MYBPC3: variants seen among roughly 807,000 people sequenced by gnomAD.
MYBPC3 encodes myosin binding protein C3, also known as myosin-binding protein C, cardiac-type.
MYBPC3 carries 108 observed loss-of-function variants against 159.3 expected under a neutral mutation model. That is an observed-to-expected ratio of 0.68 (90% confidence interval 0.58 to 0.80). The LOEUF (loss-of-function observed/expected upper bound fraction) is 0.80, where lower values mean the gene tolerates loss of function less well. MYBPC3 is among the 30% of genes least tolerant of loss of function. MYBPC3 has a pLI of 0.00. For missense variants in MYBPC3, 1,631 were observed against 1,762.1 expected (o/e 0.93, Z 1.33); for synonymous variants, 730 against 702.0 (o/e 1.04, Z -0.63).
chr11:47,347,703 C>T lies in MYBPC3; in HGVS notation c.822-23G>A, dbSNP rs757541520. On this transcript the variant is annotated intron_variant, in intron 7 of 34. Coordinates refer to ENST00000545968, the MANE Select transcript of MYBPC3 (RefSeq NM_000256.3). ...CTCCTGTGGGGGTTAGACTCAGTATCCTCACCTGCCTGGGAAGCTTGCTCT... is the reference window on the plus strand; with the variant it reads ...CTCCTGTGGGGGTTAGACTCAGTATTCTCACCTGCCTGGGAAGCTTGCTCT... The T allele has an allele frequency of 2.8e-5, 44 of 1,563,144 alleles. No individual in the cohort carries two copies. In the South Asian group the frequency reaches 5.2e-4, roughly 18 times the overall value.
At chr11:47,335,361 CTT>C (rs1477430469) in intron 26 of MYBPC3, among the ~76,000 whole-genome samples, 152 bp from the exon 27 acceptor site, 3 of 152,206 alleles carry the variant, frequency 2.0e-5, no homozygotes, top group Non-Finnish European at 4.4e-5. Flanking sequence ...GAGTTTCGCT[CTT>C]GTCTCCCAGG....
At chr11:47,350,764 G>A (rs569805236) in intron 2 of MYBPC3, 149 bp from the exon 3 acceptor site, 1 of 1,275,272 alleles carries the variant, frequency 7.8e-7, no homozygotes, top group Admixed American at 3.7e-5. Context: ...CTCAGAGGCA[G>A]CTCATGCTGA....
chr11:47,346,069 T>G lies in MYBPC3; in HGVS notation c.1090+138A>C. The G allele has an allele frequency of 1.7e-6, 2 of 1,202,650 alleles. No homozygotes were observed. The highest frequency in any genetic ancestry group is 2.3e-6 in the Non-Finnish European group (2 of 875,550). The allele number at this position is 1,202,650 out of a possible 1,614,324, so 74.5% of individuals were successfully genotyped here. ...GCTAAGCCGGACTCCGCTCTTTCCA[T>G]GTATGTGGACGAGGTGGGGGGCTAA... On this transcript the variant is annotated intron_variant, in intron 12 of 34. Coordinates refer to ENST00000545968, the MANE Select transcript of MYBPC3 (RefSeq NM_000256.3). The surrounding 1 kb of genome is among the most constrained non-coding windows in gnomAD (Gnocchi z 5.3).
In MYBPC3 at chr11:47,338,384, G is replaced by A; in HGVS notation, c.2308+136C>T. ...CCCAGAGCGGGGCTCCTTTTGGGCAGAAAAACCTGTCCTGTTGCCGCTCGG... is the reference window on the plus strand; with the variant it reads ...CCCAGAGCGGGGCTCCTTTTGGGCAAAAAAACCTGTCCTGTTGCCGCTCGG... On this transcript the variant is annotated intron_variant, in intron 23 of 34. Coordinates refer to ENST00000545968, the MANE Select transcript of MYBPC3 (RefSeq NM_000256.3). The surrounding 1 kb of genome is among the most constrained non-coding windows in gnomAD (Gnocchi z 4.7). The A allele has an allele frequency of 4.6e-6, 6 of 1,314,706 alleles. No individual in the cohort carries two copies. The highest frequency in any genetic ancestry group is 6.2e-6 in the Non-Finnish European group (6 of 967,870). 81.4% of individuals were successfully genotyped at this position (1,314,706 alleles called of 1,614,324 possible).
In MYBPC3 at chr11:47,346,337, GTCC is replaced by G; in HGVS notation, c.957_959del (p.Glu319del). The G allele has an allele frequency of 6.2e-7, 1 of 1,607,312 alleles. No individual in the cohort carries two copies. The highest frequency in any genetic ancestry group is 8.5e-7 in the Non-Finnish European group (1 of 1,176,470). ...GTGCCTGCCGTAGGATCTCCCACAC[GTCC>G]TCCTCTGCTGGTGCCTCCAGCTTCG... On this transcript the variant is annotated inframe_deletion, in exon 12 of 35. Transcript: ENST00000545968. The surrounding 1 kb of genome is among the most constrained non-coding windows in gnomAD (Gnocchi z 5.3).
At chr11:47,334,868 C>T (rs1024233773) in intron 27 of MYBPC3, among the ~76,000 whole-genome samples, 174 bp downstream of exon 27, 17 of 152,102 alleles carry the variant, frequency 1.1e-4, no homozygotes, top group Non-Finnish European at 1.9e-4. Context: ...TGGCCACCCT[C>T]TCTGCACTTT....
At chr11:47,350,193 G>C in intron 3 of MYBPC3, 81 bp from the exon 4 acceptor site, 2 of 1,425,014 alleles carry the variant, frequency 1.4e-6, no homozygotes, top group East Asian at 2.5e-5. Context: ...GCACAATCTC[G>C]GCTCACTGCA....
At chr11:47,333,374 C>T in intron 29 of MYBPC3, 41 bp from the exon 30 acceptor site, 2 of 1,523,990 alleles carry the variant, frequency 1.3e-6, no homozygotes, top group Non-Finnish European at 1.8e-6. Flanking sequence ...CGCCTCCTGA[C>T]AGTGAGCAGG....
chr11:47,348,661 T>A (rs1203167547), intron 5 of MYBPC3, 120 bp from the exon 6 acceptor site: 1 of 683,652 alleles, frequency 1.5e-6, no homozygotes, highest in Middle Eastern at 4.0e-4. Context: ...ATCCCCACTT[T>A]GGGAGGCTGA....
chr11:47,334,028 G>C lies in MYBPC3; in HGVS notation c.2906-18C>G. On this transcript the variant is annotated intron_variant, in intron 27 of 34. Coordinates refer to ENST00000545968, the MANE Select transcript of MYBPC3 (RefSeq NM_000256.3). ...TGGCCGTTCTGTGGGTATAGAGTGG[G>C]TAGCTAAGTGAGGGCCCGCCACAGC... 4 of 1,560,930 alleles carry C rather than the reference G, an allele frequency of 2.6e-6. No individual in the cohort carries two copies. Among genetic ancestry groups the C allele is most frequent in the Non-Finnish European group, 3.5e-6 (4 of 1,152,156 alleles).
rs886048372 is a variant in MYBPC3 at position 47,335,055 on chromosome 11, C to T, written c.2892G>A (p.Val964=). ...APVTTTEPVT[V]QEILQRPRLQ... ...AGGGGCACTCACGCAGGATCTCCTG[C>T]ACTGTCACCGGCTCCGTGGTGGTAA... The change falls in exon 27 of 35, where the codon GTG becomes GTA. Residue 964 remains valine, a synonymous_variant. Transcript: ENST00000545968. 2 of 1,566,670 alleles carry T rather than the reference C, an allele frequency of 1.3e-6. No homozygotes were observed.
chr11:47,340,835 C>T (rs1401085819), intron 20 of MYBPC3, among the ~76,000 whole-genome samples, 168 bp downstream of exon 20: 1 of 152,204 alleles, frequency 6.6e-6, no homozygotes, highest in Non-Finnish European at 1.5e-5. Flanking sequence ...GAAACTGAGG[C>T]TCACAGAGAT....
At position 47,351,500 on chromosome 11, in the gene MYBPC3, C is replaced by A; in HGVS notation, c.31G>T (p.Ala11Ser). The part of the protein sequence containing the change: MPEPGKKPVS[A>S]FSKKPRSVEV... The stretch of plus-strand genomic sequence containing the variant: ...ACTGACCGTGGCTTCTTGCTAAAAG[C>A]TGAGACTGAAGGGCCAGGTGGAGGC... The change falls in exon 2 of 35, where the codon GCT (alanine) becomes TCT (serine). Residue 11 changes from alanine (A) to serine (S), a missense_variant. Transcript: ENST00000545968. This position sits in a 1 kb window ranked among gnomAD's most constrained non-coding sequence, Gnocchi z 4.2. 1 of 1,585,440 alleles carries A rather than the reference C, an allele frequency of 6.3e-7. No individual in the cohort carries two copies. The highest frequency in any genetic ancestry group is 8.6e-7 in the Non-Finnish European group (1 of 1,160,688).
At chr11:47,347,527 G>C (rs11570063) in intron 8 of MYBPC3, 48 bp from the exon 9 acceptor site, 68 of 1,576,802 alleles carry the variant, frequency 4.3e-5, no homozygotes, top group Non-Finnish European at 5.2e-5. Context: ...ACTGGAAAGG[G>C]ATTAGGAGCA....
rs1345363242 is a variant in MYBPC3 at position 47,352,592 on chromosome 11, C to T, written c.25+31G>A. ...AATTGTAGACACCCCCCTGCTCCCA[C>T]ACTTAGACCCAACCCCAGTCCTAAA... is the stretch of plus-strand genomic sequence containing the variant. On this transcript the variant is annotated intron_variant, in intron 1 of 34. Coordinates refer to ENST00000545968, the MANE Select transcript of MYBPC3 (RefSeq NM_000256.3). The T allele has an allele frequency of 1.9e-6, 3 of 1,603,226 alleles. No individual in the cohort carries two copies. The African/African-American group carries it at 4.0e-5, about 22-fold the overall frequency.
intron 14 of MYBPC3, 31 bp downstream of exon 14, chr11:47,343,229 C>A (rs1565628316): frequency 6.3e-7 from 1 of 1,575,518 alleles, no homozygotes. Context: ...CCCTGTGCCC[C>A]CCACCCCAAG....
chr11:47,347,120 T>A, intron 9 of MYBPC3, 91 bp from the exon 10 acceptor site: 1 of 1,273,858 alleles, frequency 7.9e-7, no homozygotes, highest in South Asian at 1.3e-5. Context: ...GCCGACCTGG[T>A]AGACCCTGCA....
At chr11:47,352,580 C>A in intron 1 of MYBPC3, 43 bp downstream of exon 1, 3 of 1,600,580 alleles carry the variant, frequency 1.9e-6, no homozygotes, top group Non-Finnish European at 2.6e-6. Flanking sequence ...TGTAGACACC[C>A]CCCTGCTCCC....
rs1445498933 is a variant in MYBPC3, at chr11:47,347,694, A to G, written c.822-14T>C. On this transcript the variant is annotated splice_polypyrimidine_tract_variant and intron_variant, in intron 7 of 34. Coordinates refer to ENST00000545968, the MANE Select transcript of MYBPC3 (RefSeq NM_000256.3). ...CCAGCCAGGCTCCTGTGGGGGTTAG[A>G]CTCAGTATCCTCACCTGCCTGGGAA... 3.2e-6 allele frequency: 5 copies of G among 1,567,720 alleles called. No individual in the cohort carries two copies. In the South Asian group the frequency reaches 4.7e-5, roughly 15 times the overall value.
Sources: gnomAD v4.1 joint callset for allele counts (sites outside exome capture counted in the v4.1 genomes callset) on GRCh38, gnomAD v4.1.1 for gene constraint, Gnocchi (gnomAD v3.1) non-coding constraint, MANE v1.5 for transcripts, NCBI Gene and HGNC (gene_info 2026-07-23, HGNC 2026-07-21) for gene names.